The following FHOD3 variants were observed in gnomAD, a reference collection of about 807,000 sequenced individuals.
FHOD3 encodes the protein FH1/FH2 domain-containing protein 3.
FHOD3 carries 90 observed loss-of-function variants against 173.0 expected under a neutral mutation model. The ratio of observed to expected loss-of-function variants is 0.52; its 90% CI spans 0.44 to 0.62. FHOD3 has a LOEUF of 0.62. FHOD3 is among the 20% of genes least tolerant of loss of function. The probability of loss-of-function intolerance (pLI) is 0.00; values close to 1 mark genes in which losing one functional copy is unlikely to be tolerated. For missense variants in FHOD3, 1,945 were observed against 2,034.7 expected (o/e 0.96, Z 0.85); for synonymous variants, 828 against 823.0 (o/e 1.01, Z -0.10).
intron 3 of FHOD3, among the ~76,000 whole-genome samples, chr18:36,487,129 GT>G (rs1271737507): frequency 6.6e-6 from 1 of 152,176 alleles, no homozygotes; most frequent in Non-Finnish European, 1.5e-5. Context: ...ATGTTTTTAT[GT>G]GTGTAAATTT....
At position 36,611,761 on chromosome 18, in the gene FHOD3, G is replaced by T. The variant is rs534918794; in HGVS notation, c.814-191G>T. ...GATTATGTAGCACTTGTACACCAGA[G>T]GGGAGAATATTGGGGTTCATTCTGC... On this transcript the variant is annotated intron_variant, in intron 8 of 28. Coordinates refer to ENST00000590592, the MANE Select transcript of FHOD3 (RefSeq NM_001281740.3). Among the ~76,000 whole-genome samples, 21 of 152,306 alleles carry T rather than the reference G, an allele frequency of 1.4e-4. No individual in the cohort carries two copies. The East Asian group carries it at 4.1e-3, about 29-fold the overall frequency.
chr18:36,656,388 A>G (rs910914700), intron 13 of FHOD3, among the ~76,000 whole-genome samples: 1 of 152,118 alleles, frequency 6.6e-6, no homozygotes, highest in Non-Finnish European at 1.5e-5. Context: ...TCCCACAAAG[A>G]TGATGTGTTC....
intron 10 of FHOD3, among the ~76,000 whole-genome samples, chr18:36,632,886 A>C (rs2034617064): frequency 6.6e-6 from 1 of 152,200 alleles, no homozygotes; most frequent in African/African-American, 2.4e-5. Flanking sequence ...GTTTATTAAA[A>C]AATTTTAGAG....
chr18:36,440,637 G>T (rs1463598354), intron 3 of FHOD3, among the ~76,000 whole-genome samples: 5 of 152,158 alleles, frequency 3.3e-5, no homozygotes, highest in South Asian at 2.1e-4. Context: ...TTATCTTGAG[G>T]CAGGAGTGGT....
intron 5 of FHOD3, among the ~76,000 whole-genome samples, chr18:36,526,895 C>A (rs144668189): frequency 6.6e-6 from 1 of 152,218 alleles, no homozygotes; most frequent in Non-Finnish European, 1.5e-5. Flanking sequence ...TTTCTGAAAT[C>A]ATGTGGATTA....
At chr18:36,674,256 T>G (rs916226398) in intron 14 of FHOD3, among the ~76,000 whole-genome samples, 1 of 152,250 alleles carries the variant, frequency 6.6e-6, no homozygotes, top group Non-Finnish European at 1.5e-5. Flanking sequence ...ACAGCCTCAG[T>G]GCAGTGACAG....
intron 18 of FHOD3, among the ~76,000 whole-genome samples, chr18:36,713,134 C>T (rs1327880941): frequency 2.0e-5 from 3 of 152,116 alleles, no homozygotes; most frequent in Non-Finnish European, 4.4e-5. Context: ...GTTCTCCAAA[C>T]AGAAATAAAA....
chr18:36,562,284 T>A (rs983193895), intron 5 of FHOD3, among the ~76,000 whole-genome samples: 1 of 152,168 alleles, frequency 6.6e-6, no homozygotes, highest in Non-Finnish European at 1.5e-5. Flanking sequence ...CCCAAAGTGC[T>A]GTGATTACAG....
At chr18:36,539,601 T>G (rs2057126268) in intron 5 of FHOD3, among the ~76,000 whole-genome samples, 1 of 152,180 alleles carries the variant, frequency 6.6e-6, no homozygotes, top group Non-Finnish European at 1.5e-5. Context: ...CACCTTTCAA[T>G]GGCAGACCCA....
At chr18:36,663,496 A>C (rs931603544) in intron 14 of FHOD3, among the ~76,000 whole-genome samples, 1 of 152,220 alleles carries the variant, frequency 6.6e-6, no homozygotes, top group Non-Finnish European at 1.5e-5. Flanking sequence ...GCCATGGAAC[A>C]GTCCTATTAT....
chr18:36,722,091 C>T (rs1010960377), intron 19 of FHOD3, among the ~76,000 whole-genome samples: 8 of 152,250 alleles, frequency 5.3e-5, no homozygotes, highest in Non-Finnish European at 1.0e-4. Context: ...CAATTTTTCT[C>T]TATCAGCTGG....
intron 5 of FHOD3, among the ~76,000 whole-genome samples, chr18:36,525,815 C>G (rs770480762): frequency 2.6e-5 from 4 of 152,198 alleles, no homozygotes; most frequent in Non-Finnish European, 5.9e-5. Context: ...GGTCTCCCAA[C>G]TGTTGACAAT....
chr18:36,492,205 C>T (rs2054506761), intron 3 of FHOD3, among the ~76,000 whole-genome samples: 1 of 152,098 alleles, frequency 6.6e-6, no homozygotes, highest in African/African-American at 2.4e-5. Context: ...TCCTCAGTTT[C>T]CCTCTTTGCA....
Position 36,355,541 on chromosome 18 carries a change from G to A in FHOD3, c.168G>A (p.Leu56=). The change falls in exon 2 of 29, where the codon CTG becomes CTA. Residue 56 remains leucine, a splice_region_variant and synonymous_variant. Coordinates refer to ENST00000590592, the MANE Select transcript of FHOD3 (RefSeq NM_001281740.3). ...VHRLLQAPHK[L]DDCTLQLSHN... ...ATAACAGGCTCTTTCTCTTGCAGCT[G>A]GATGACTGTACTCTGCAGCTCTCTC... 6.2e-7 allele frequency: 1 copy of A among 1,613,962 alleles called. No homozygotes were observed. The highest frequency in any genetic ancestry group is 1.1e-5 in the South Asian group (1 of 91,048).
chr18:36,626,661 A>T (rs2034132490), intron 10 of FHOD3, among the ~76,000 whole-genome samples: 1 of 152,216 alleles, frequency 6.6e-6, no homozygotes, highest in Non-Finnish European at 1.5e-5. Context: ...TGGAAGCAGG[A>T]AGTGCTCATA....
At chr18:36,544,008 T>C (rs958959756) in intron 5 of FHOD3, among the ~76,000 whole-genome samples, 1 of 152,166 alleles carries the variant, frequency 6.6e-6, no homozygotes, top group African/African-American at 2.4e-5. Flanking sequence ...AAACAAAACA[T>C]GTAAGATGGT....
At chr18:36,555,084 A>G (rs2057820609) in intron 5 of FHOD3, among the ~76,000 whole-genome samples, 1 of 152,092 alleles carries the variant, frequency 6.6e-6, no homozygotes, top group Non-Finnish European at 1.5e-5. Flanking sequence ...TTTGTGTACC[A>G]TGGGATTAAC....
At chr18:36,708,417 A>G (rs2039997602) in intron 17 of FHOD3, among the ~76,000 whole-genome samples, 1 of 152,212 alleles carries the variant, frequency 6.6e-6, no homozygotes, top group Non-Finnish European at 1.5e-5. Context: ...AAAAGGTTAT[A>G]TATTAGTTTC....
chr18:36,348,208 C>G (rs1165190009), intron 1 of FHOD3, among the ~76,000 whole-genome samples: 1 of 152,146 alleles, frequency 6.6e-6, no homozygotes, highest in Non-Finnish European at 1.5e-5. Flanking sequence ...TAAAAGGAAC[C>G]ACAAAATCCA....
Sources: gnomAD v4.1 joint callset for allele counts (sites outside exome capture counted in the v4.1 genomes callset) on GRCh38, gnomAD v4.1.1 for gene constraint, MANE v1.5 for transcripts, NCBI Gene and HGNC (gene_info 2026-07-23, HGNC 2026-07-21) for gene names.